The following INSR variants were observed in gnomAD, a reference collection of about 807,000 sequenced individuals.
The protein encoded by INSR is IR.
A neutral mutation model predicts 142.6 loss-of-function variants in INSR; 67 were observed. The observed-to-expected ratio is 0.47, with a 90% CI of 0.39 to 0.58. INSR has a LOEUF of 0.58. INSR is among the 20% of genes least tolerant of loss of function. INSR has a pLI of 0.00. For synonymous variants in INSR, 756 were observed against 743.1 expected, an observed-to-expected ratio of 1.02 and a Z score of -0.28; for missense variants, 1,248 against 1,833.2, an observed-to-expected ratio of 0.68 and a Z score of 5.83.
chr19:7,150,771 G>A lies in INSR; in HGVS notation c.2232-239C>T, dbSNP rs527908361. 1.8e-4 allele frequency among the ~76,000 whole-genome samples: 27 copies of A among 152,306 alleles called. No homozygotes were observed. Among genetic ancestry groups the A allele is most frequent in the African/African-American group, 6.3e-4 (26 of 41,572 alleles). ...TTCTCCCCAGAGACGGCCTGCTGAG[G>A]TGGCCCTGGGATGTCAAACGTGACT... On this transcript the variant is annotated intron_variant, in intron 10 of 21. Coordinates refer to ENST00000302850, the MANE Select transcript of INSR (RefSeq NM_000208.4). This position sits in a 1 kb window ranked among gnomAD's most constrained non-coding sequence, Gnocchi z 4.2.
intron 2 of INSR, among the ~76,000 whole-genome samples, chr19:7,253,142 C>G (rs1005480027): frequency 6.6e-5 from 10 of 151,812 alleles, no homozygotes; most frequent in Admixed American, 6.6e-5. Context: ...GCCACAGGAC[C>G]CTCTACCCCA....
At chr19:7,198,187 C>T (rs1203731823) in intron 2 of INSR, among the ~76,000 whole-genome samples, 6 of 151,694 alleles carry the variant, frequency 4.0e-5, no homozygotes, top group Non-Finnish European at 5.9e-5. Flanking sequence ...GGGAATCCGG[C>T]CCCGGCGGTT....
intron 2 of INSR, among the ~76,000 whole-genome samples, chr19:7,198,541 G>A (rs2145037394): frequency 6.6e-6 from 1 of 152,278 alleles, no homozygotes; most frequent in Non-Finnish European, 1.5e-5. Flanking sequence ...GGCAGCTCCC[G>A]GGACTGCCGA....
At chr19:7,234,454 C>T (rs902741701) in intron 2 of INSR, among the ~76,000 whole-genome samples, 2 of 152,152 alleles carry the variant, frequency 1.3e-5, no homozygotes, top group Admixed American at 1.3e-4. Context: ...GTAATCCTCC[C>T]ACCTCTGCTT....
chr19:7,195,966 G>A (rs985686654), intron 2 of INSR, among the ~76,000 whole-genome samples: 2 of 137,172 alleles, frequency 1.5e-5, no homozygotes, highest in African/African-American at 2.8e-5. Flanking sequence ...ACGGAGTTTC[G>A]CTCTTGTTGC....
chr19:7,202,996 G>GGTT (rs1555751313), intron 2 of INSR, among the ~76,000 whole-genome samples: 1 of 67,774 alleles, frequency 1.5e-5, no homozygotes, highest in African/African-American at 3.8e-5. Context: ...GGGTTTTGTT[G>GGTT]TTTTTTTTTT....
rs1179808890 is a variant in INSR, at chr19:7,158,049, T to C, written c.2029+4983A>G. On this transcript the variant is annotated intron_variant, in intron 9 of 21. Coordinates refer to ENST00000302850, the MANE Select transcript of INSR (RefSeq NM_000208.4). ...CCTGAATAAGGGAAGCTCCTGGTAT[T>C]ATTATTATTATTATTATTATTATTA... is the stretch of plus-strand genomic sequence containing the variant. Among the ~76,000 whole-genome samples the C allele has an allele frequency of 1.8e-4, 3 of 16,600 alleles. No homozygotes were observed. The Admixed American group carries it at 4.6e-3, about 26-fold the overall frequency. The allele number at this position is 16,600 out of a possible 152,430, so 10.9% of individuals were successfully genotyped here.
intron 2 of INSR, among the ~76,000 whole-genome samples, chr19:7,264,744 T>C (rs945473245): frequency 6.6e-6 from 1 of 152,364 alleles, no homozygotes; most frequent in Middle Eastern, 3.4e-3. Flanking sequence ...TCTCTGGTCA[T>C]AGTTTAGCTT....
chr19:7,280,090 T>C (rs1054641144), intron 1 of INSR, among the ~76,000 whole-genome samples: 1 of 147,628 alleles, frequency 6.8e-6, no homozygotes. Flanking sequence ...AAGGTGAAAC[T>C]CCGTCTCTAC....
chr19:7,146,640 A>C lies in INSR; in HGVS notation c.2268-3550T>G, dbSNP rs137968096. Among the ~76,000 whole-genome samples, 986 of 152,322 alleles carry C rather than the reference A, an allele frequency of 6.5e-3. 6 individuals are homozygous for C. The highest frequency in any genetic ancestry group is 0.041 in the East Asian group (212 of 5,184). ...TGCCCTAAAATAGTTTTTCTATTAT[A>C]GGAAATAGTTGCTCTCTCACAATTT... On this transcript the variant is annotated intron_variant, in intron 11 of 21. Transcript: ENST00000302850.
At chr19:7,256,405 C>T (rs1443823966) in intron 2 of INSR, among the ~76,000 whole-genome samples, 2 of 152,168 alleles carry the variant, frequency 1.3e-5, no homozygotes, top group African/African-American at 2.4e-5. Flanking sequence ...GCCGAGATTG[C>T]GCCACTGCAC....
intron 2 of INSR, among the ~76,000 whole-genome samples, chr19:7,249,268 TC>T (rs1476504220): frequency 6.6e-6 from 1 of 152,154 alleles, no homozygotes; most frequent in Non-Finnish European, 1.5e-5. Flanking sequence ...CATTCCATCT[TC>T]TTTACCACCA....
intron 1 of INSR, among the ~76,000 whole-genome samples, chr19:7,286,301 T>C (rs1968343164): frequency 1.3e-5 from 2 of 151,988 alleles, no homozygotes. Context: ...TTACTAAACA[T>C]CAAAAAGATA....
chr19:7,185,828 T>G (rs1599960561), intron 2 of INSR, among the ~76,000 whole-genome samples: 1 of 53,998 alleles, frequency 1.9e-5, no homozygotes, highest in Non-Finnish European at 3.6e-5. Flanking sequence ...GGGCAACAAG[T>G]GCAAAATTCT....
At position 7,141,681 on chromosome 19, in the gene INSR, T is replaced by C. The variant is rs777936458; in HGVS notation, c.2678A>G (p.Asp893Gly). 3 of 1,614,064 alleles carry C rather than the reference T, an allele frequency of 1.9e-6. No homozygotes were observed. Among genetic ancestry groups the C allele is most frequent in the African/African-American group, 2.7e-5 (2 of 74,934 alleles). ...LYEVSYRRYG[D>G]EELHLCVSRK... ...CCCAAGAGTCAAGGGCCTTACCTCA[T>C]CACCATATCGCCGATAACTCACTTC... Residue 893 changes from aspartate to glycine, a missense_variant, in exon 13 of 22, where the codon GAT (aspartate) becomes GGT (glycine). Around this residue, in one of 3 missense-constraint regions of INSR, gnomAD observed 1,069 missense variants for 1,654.0 expected, o/e 0.65. Transcript: ENST00000302850.
chr19:7,206,587 G>A (rs552925049), intron 2 of INSR, among the ~76,000 whole-genome samples: 59 of 152,278 alleles, frequency 3.9e-4, no homozygotes, highest in African/African-American at 1.4e-3. Context: ...CGAGGGATCT[G>A]GGTTGCACGC....
Position 7,167,984 on chromosome 19 carries a change from G to A in INSR, c.1594C>T (p.Leu532=). 6.2e-7 allele frequency: 1 copy of A among 1,614,076 alleles called. No homozygotes were observed. The highest frequency in any genetic ancestry group is 8.5e-7 in the Non-Finnish European group (1 of 1,180,004). ...TCTACTTACGCCTCTTTGTAGAACAGCATGAACCCCAAGAGGTCTCGGAAG... is the reference window on the plus strand; with the variant it reads ...TCTACTTACGCCTCTTTGTAGAACAACATGAACCCCAAGAGGTCTCGGAAG... ...PDFRDLLGFM[L]FYKEAPYQNV... The change falls in exon 7 of 22, where the codon CTG becomes TTG. Residue 532 remains leucine (L), a synonymous_variant. Coordinates refer to ENST00000302850, the MANE Select transcript of INSR (RefSeq NM_000208.4).
At chr19:7,170,786 G>T in intron 5 of INSR, 35 bp from the exon 6 acceptor site, 1 of 1,524,448 alleles carries the variant, frequency 6.6e-7, no homozygotes, top group South Asian at 1.1e-5. Context: ...GTCATTCAAC[G>T]GCTGGTCTTC....
chr19:7,247,622 T>G (rs1006111187), intron 2 of INSR, among the ~76,000 whole-genome samples: 2 of 152,172 alleles, frequency 1.3e-5, no homozygotes, highest in South Asian at 4.1e-4. Flanking sequence ...GATATACCAG[T>G]TCAAAGCTGA....
Sources: allele counts gnomAD v4.1 joint callset (sites outside exome capture counted in the v4.1 genomes callset), GRCh38; gene constraint gnomAD v4.1.1; regional missense constraint gnomAD v4.1.1; non-coding constraint Gnocchi (gnomAD v3.1); transcripts MANE v1.5; gene names NCBI Gene and HGNC (gene_info 2026-07-23, HGNC 2026-07-21).